The following VIPR2 variants were observed in gnomAD, a reference collection of about 807,000 sequenced individuals.
VIPR2 encodes the protein vasoactive intestinal polypeptide receptor 2.
A neutral mutation model predicts 58.0 loss-of-function variants in VIPR2; 48 were observed. The observed-to-expected ratio is 0.83, with a 90% confidence interval of 0.66 to 1.05. The LOEUF (loss-of-function observed/expected upper bound fraction) is 1.05. Among genes scored for constraint, VIPR2 ranks in the 50% least tolerant of loss-of-function variants. The pLI is 0.00. For synonymous variants in VIPR2, 243 were observed against 235.2 expected, an observed-to-expected ratio of 1.03 and a Z score of -0.30; for missense variants, 534 against 558.0, an observed-to-expected ratio of 0.96 and a Z score of 0.43.
intron 2 of VIPR2, among the ~76,000 whole-genome samples, chr7:159,140,754 C>A (rs1359093057): frequency 1.3e-5 from 2 of 152,172 alleles, no homozygotes; most frequent in African/African-American, 4.8e-5. Flanking sequence ...GACCTGCGGC[C>A]CCTAGCGCCC....
At chr7:159,101,312 C>A (rs1329739040) in intron 4 of VIPR2, among the ~76,000 whole-genome samples, 1 of 145,510 alleles carries the variant, frequency 6.9e-6, no homozygotes, top group Non-Finnish European at 1.5e-5. Flanking sequence ...ACGGGTCTCA[C>A]GAGATCCGAC....
chr7:159,143,486 TGA>T (rs1797559987), intron 1 of VIPR2, among the ~76,000 whole-genome samples: 1 of 152,166 alleles, frequency 6.6e-6, no homozygotes, highest in Admixed American at 6.5e-5. Context: ...AAATGGTCAA[TGA>T]GAGTTCCAAC....
At chr7:159,112,038 T>C (rs569605371) in intron 2 of VIPR2, among the ~76,000 whole-genome samples, 21 of 152,314 alleles carry the variant, frequency 1.4e-4, no homozygotes, top group African/African-American at 5.1e-4. Context: ...TAAGATAATG[T>C]ATAGTAAGAT....
At chr7:159,131,184 C>T (rs551341637) in intron 2 of VIPR2, among the ~76,000 whole-genome samples, 2 of 152,290 alleles carry the variant, frequency 1.3e-5, no homozygotes, top group Admixed American at 1.3e-4. Flanking sequence ...AAAGAATCGA[C>T]AGACCAGAGA....
At chr7:159,034,786 G>A (rs139312780) in intron 8 of VIPR2, 136 bp from the exon 9 acceptor site, 11 of 709,926 alleles carry the variant, frequency 1.5e-5, no homozygotes, top group African/African-American at 3.5e-5. Flanking sequence ...CTGACAGATC[G>A]TAAAGGAATC....
At chr7:159,081,644 T>C in intron 4 of VIPR2, among the ~76,000 whole-genome samples, 1 of 152,142 alleles carries the variant, frequency 6.6e-6, no homozygotes, top group East Asian at 1.9e-4. Flanking sequence ...AAAGAGCTTC[T>C]GCACAGCAAA....
At chr7:159,118,152 G>A (rs1197129334) in intron 2 of VIPR2, among the ~76,000 whole-genome samples, 1 of 152,156 alleles carries the variant, frequency 6.6e-6, no homozygotes, top group Non-Finnish European at 1.5e-5. Context: ...CTGCTGGGGG[G>A]CTGCTGAAGC....
chr7:159,125,689 C>A (rs188680562), intron 2 of VIPR2, among the ~76,000 whole-genome samples: 91 of 152,328 alleles, frequency 6.0e-4, no homozygotes, highest in Non-Finnish European at 1.2e-3. Flanking sequence ...AGCATGATTT[C>A]CATCCCTGCC....
chr7:159,041,345 C>A (rs891953056), intron 6 of VIPR2, among the ~76,000 whole-genome samples: 30 of 152,212 alleles, frequency 2.0e-4, no homozygotes. Flanking sequence ...CAGGCCAGCA[C>A]CCAGTCCCGA....
chr7:159,064,114 T>C (rs1331414334), intron 4 of VIPR2, among the ~76,000 whole-genome samples: 1 of 148,444 alleles, frequency 6.7e-6, no homozygotes, highest in Non-Finnish European at 1.5e-5. Context: ...CATGTGATTC[T>C]GGATGGGGAA....
At chr7:159,090,186 A>G (rs564409464) in intron 4 of VIPR2, among the ~76,000 whole-genome samples, 3 of 124,250 alleles carry the variant, frequency 2.4e-5, no homozygotes, top group African/African-American at 6.1e-5. Flanking sequence ...CACAATCCCC[A>G]GTGCCCTCAG....
intron 5 of VIPR2, among the ~76,000 whole-genome samples, chr7:159,044,439 T>G (rs1026133943): frequency 4.0e-5 from 6 of 151,778 alleles, no homozygotes; most frequent in Admixed American, 2.0e-4. Context: ...AAAATAATAA[T>G]AAGAAAATAT....
At chr7:159,073,171 A>G (rs1481970612) in intron 4 of VIPR2, among the ~76,000 whole-genome samples, 4 of 152,238 alleles carry the variant, frequency 2.6e-5, no homozygotes, top group Admixed American at 2.6e-4. Flanking sequence ...TGTCAAAAGC[A>G]GACAATATAC....
At chr7:159,139,352 A>G (rs1314082868) in intron 2 of VIPR2, among the ~76,000 whole-genome samples, 1 of 152,076 alleles carries the variant, frequency 6.6e-6, no homozygotes, top group Non-Finnish European at 1.5e-5. Flanking sequence ...GGCCGCTCCC[A>G]CTGCTCCTGG....
chr7:159,031,574 G>C lies in VIPR2; in HGVS notation c.1143+254C>G. 1 of 985,420 alleles carries C rather than the reference G, an allele frequency of 1.0e-6. No individual in the cohort carries two copies. The highest frequency in any genetic ancestry group is 1.2e-6 in the Non-Finnish European group (1 of 829,930). The allele number at this position is 985,420 out of a possible 1,614,324, so 61.0% of individuals were successfully genotyped here. A position where few individuals can be genotyped will look rare whatever the true frequency, so the allele number is the denominator to read the frequency against. On this transcript the variant is annotated intron_variant, in intron 12 of 12. Coordinates refer to ENST00000262178, the MANE Select transcript of VIPR2 (RefSeq NM_003382.5). This position sits in a 1 kb window ranked among gnomAD's most constrained non-coding sequence, Gnocchi z 4.0. ...CCCGGCCGGGAGCTTTCCCGAGAGG[G>C]CTCCGAGACGGACGGCAGTCGATGC...
At chr7:159,068,933 G>A (rs536056877) in intron 4 of VIPR2, among the ~76,000 whole-genome samples, 12 of 152,348 alleles carry the variant, frequency 7.9e-5, no homozygotes, top group African/African-American at 2.4e-4. Flanking sequence ...AAGACACGCA[G>A]CTACTAACAA....
intron 2 of VIPR2, among the ~76,000 whole-genome samples, chr7:159,113,529 C>T (rs1347798892): frequency 2.6e-5 from 4 of 152,090 alleles, no homozygotes; most frequent in African/African-American, 9.7e-5. Context: ...TGCAGCTCGT[C>T]CTGCTACAAG....
chr7:159,081,687 C>A (rs1585437743), intron 4 of VIPR2, among the ~76,000 whole-genome samples: 1 of 152,218 alleles, frequency 6.6e-6, no homozygotes, highest in South Asian at 2.1e-4. Context: ...AGGCAACCTA[C>A]AGAATGGGAG....
chr7:159,054,601 A>G (rs1855197215), intron 5 of VIPR2, among the ~76,000 whole-genome samples: 1 of 152,212 alleles, frequency 6.6e-6, no homozygotes, highest in Non-Finnish European at 1.5e-5. Flanking sequence ...TGTAAATTAA[A>G]ACACCGTTCT....
Sources: allele counts gnomAD v4.1 joint callset (sites outside exome capture counted in the v4.1 genomes callset), GRCh38; gene constraint gnomAD v4.1.1; non-coding constraint Gnocchi (gnomAD v3.1); transcripts MANE v1.5; gene names NCBI Gene and HGNC (gene_info 2026-07-23, HGNC 2026-07-21).